The following DICER1 variants were observed in gnomAD, a reference collection of about 807,000 sequenced individuals.
DICER1 encodes endoribonuclease Dicer.
Under a neutral mutation model 194.1 loss-of-function variants are expected in DICER1, and 43 were observed. That is an observed-to-expected ratio of 0.22 (90% CI 0.17 to 0.29). The LOEUF is 0.29. Among genes scored for constraint, DICER1 ranks in the 10% least tolerant of loss-of-function variants. DICER1 has a pLI of 1.00. For missense variants in DICER1, 1,608 were observed against 2,317.0 expected, an observed-to-expected ratio of 0.69 and a Z score of 6.28; for synonymous variants, 832 against 820.5, an observed-to-expected ratio of 1.01 and a Z score of -0.24.
chr14:95,091,499 C>T (rs1889839140), intron 24 of DICER1, 134 bp from the exon 25 acceptor site: 7 of 806,100 alleles, frequency 8.7e-6, no homozygotes, highest in Non-Finnish European at 1.5e-5. Context: ...TTATGGTATG[C>T]CTACTATATT....
At position 95,090,354 on chromosome 14, in the gene DICER1, T is replaced by C. The variant is rs1338679905; in HGVS notation, c.*144A>G. ...ATATGTTAAATGTTTTATTCTGTTA[T>C]CTATCCTGTTATCAACCAAACTTTA... On this transcript the variant is annotated 3_prime_UTR_variant, in exon 27 of 27. Coordinates refer to ENST00000343455, the MANE Select transcript of DICER1 (RefSeq NM_177438.3). 8 of 881,418 alleles carry C rather than the reference T, an allele frequency of 9.1e-6. No individual in the cohort carries two copies. Among genetic ancestry groups the C allele is most frequent in the Middle Eastern group, 3.4e-4 (1 of 2,972 alleles). 54.6% of individuals were successfully genotyped at this position (881,418 alleles called of 1,614,324 possible).
intron 1 of DICER1, chr14:95,140,675 ATC>A (rs1894774532): frequency 6.6e-6 from 1 of 152,190 alleles, no homozygotes; most frequent in Non-Finnish European, 1.5e-5. Context: ...AATGTTTGAG[ATC>A]TCTGTGTTGC....
In DICER1 at chr14:95,096,556, T is replaced by C; in HGVS notation, c.4364A>G (p.Asn1455Ser). The C allele has an allele frequency of 1.9e-6, 3 of 1,613,728 alleles. No individual in the cohort carries two copies. Among genetic ancestry groups the C allele is most frequent in the African/African-American group, 1.3e-5 (1 of 74,966 alleles). ...AAAAGCTCCTGACCCCATTAACATATTATCTATAAATCTGATATGTTCCTG... is the reference window on the plus strand; with the variant it reads ...AAAAGCTCCTGACCCCATTAACATACTATCTATAAATCTGATATGTTCCTG... Reference protein sequence around the residue: ...YDQEHIRFIDNMLMGSGAFVK... With the variant: ...YDQEHIRFIDSMLMGSGAFVK... The change falls in exon 23 of 27, where the codon AAT (asparagine) becomes AGT (serine). Residue 1455 changes from asparagine (N) to serine (S), a missense_variant. By Grantham distance (46) the Asn-to-Ser change is conservative. Transcript: ENST00000343455.
chr14:95,153,710 T>C (rs561077888), intron 1 of DICER1, among the ~76,000 whole-genome samples: 5 of 152,334 alleles, frequency 3.3e-5, no homozygotes, highest in Middle Eastern at 6.8e-3. Flanking sequence ...ACCATTTTCA[T>C]AGTACTCTAA....
intron 24 of DICER1, among the ~76,000 whole-genome samples, chr14:95,091,611 CA>C (rs1432601892): frequency 6.6e-6 from 1 of 151,882 alleles, no homozygotes; most frequent in Non-Finnish European, 1.5e-5. Context: ...ATATACCCAG[CA>C]AAGAAAAAAG....
intron 8 of DICER1, among the ~76,000 whole-genome samples, chr14:95,119,735 A>G (rs1015776118): frequency 1.3e-5 from 2 of 152,344 alleles, no homozygotes; most frequent in Non-Finnish European, 2.9e-5. Flanking sequence ...TTTCCAATCC[A>G]TCAGAGGCAG....
intron 8 of DICER1, among the ~76,000 whole-genome samples, chr14:95,119,996 C>A (rs1175878317): frequency 6.6e-6 from 1 of 151,686 alleles, no homozygotes; most frequent in Non-Finnish European, 1.5e-5. Flanking sequence ...AATAACATAA[C>A]CAAAAATAGG....
In DICER1 at chr14:95,092,136, G is replaced by A. The variant is rs530697200; in HGVS notation, c.5365-771C>T. Reference sequence around the variant, plus strand: ...AGAAGCGTTTAAATCAATCAGCCACGTGTTGACTAGCGTGTGGCCCCTGAG... The same window carrying A: ...AGAAGCGTTTAAATCAATCAGCCACATGTTGACTAGCGTGTGGCCCCTGAG... On this transcript the variant is annotated intron_variant, in intron 24 of 26. Coordinates refer to ENST00000343455, the MANE Select transcript of DICER1 (RefSeq NM_177438.3). Among the ~76,000 whole-genome samples the A allele has an allele frequency of 9.2e-5, 14 of 152,234 alleles. No individual in the cohort carries two copies. In the South Asian group the frequency reaches 2.3e-3, roughly 25 times the overall value.
chr14:95,108,120 C>A (rs1891620257), intron 15 of DICER1, 27 bp from the exon 16 acceptor site: 1 of 1,540,210 alleles, frequency 6.5e-7, no homozygotes, highest in Non-Finnish European at 9.0e-7. Context: ...GTAAAGCACC[C>A]CTCAAAATTA....
intron 7 of DICER1, among the ~76,000 whole-genome samples, chr14:95,126,376 GA>G (rs1289263874): frequency 6.6e-6 from 1 of 152,186 alleles, no homozygotes. Context: ...TTAAATAGGG[GA>G]AGTCTACACT....
intron 21 of DICER1, among the ~76,000 whole-genome samples, chr14:95,102,926 ATG>A (rs1891013712): frequency 1.3e-5 from 2 of 152,278 alleles, no homozygotes; most frequent in South Asian, 2.1e-4. Flanking sequence ...TGTCTTACTC[ATG>A]TCTGTATGCC....
At position 95,096,307 on chromosome 14, in the gene DICER1, TCAA is replaced by T. The variant is rs765962801; in HGVS notation, c.4610_4612del (p.Val1537del). On this transcript the variant is annotated inframe_deletion, in exon 23 of 27. Transcript: ENST00000343455. ...GTAAGAAATGGACTGCTTTCCCGTGTCAACACCACAGTTTTCTTCTGATGGATT... is the reference window on the plus strand; with the variant it reads ...GTAAGAAATGGACTGCTTTCCCGTGTCACCACAGTTTTCTTCTGATGGATT... The T allele has an allele frequency of 6.2e-7, 1 of 1,614,220 alleles. No individual in the cohort carries two copies. Among genetic ancestry groups the T allele is most frequent in the East Asian group, 2.2e-5 (1 of 44,888 alleles).
chr14:95,109,055 G>T (rs920406537), intron 14 of DICER1, among the ~76,000 whole-genome samples: 4 of 152,022 alleles, frequency 2.6e-5, no homozygotes, highest in Non-Finnish European at 4.4e-5. Context: ...CACAACACTG[G>T]TGTATATTAG....
intron 1 of DICER1, among the ~76,000 whole-genome samples, chr14:95,144,099 A>G (rs1230501878): frequency 2.0e-5 from 3 of 152,190 alleles, no homozygotes; most frequent in Non-Finnish European, 4.4e-5. Context: ...TAACTTAATA[A>G]GCAAATTGAT....
chr14:95,115,364 C>G (rs748867081), intron 11 of DICER1, among the ~76,000 whole-genome samples: 1 of 151,754 alleles, frequency 6.6e-6, no homozygotes, highest in African/African-American at 2.4e-5. Context: ...TGGCACAAAA[C>G]AAAAAATTTC....
chr14:95,142,629 C>T (rs1330108988), intron 1 of DICER1, among the ~76,000 whole-genome samples: 4 of 152,202 alleles, frequency 2.6e-5, no homozygotes, highest in African/African-American at 9.7e-5. Flanking sequence ...GGTAATATGT[C>T]AAGTATAATA....
intron 12 of DICER1, 95 bp downstream of exon 12, chr14:95,112,997 A>G (rs868347336): frequency 7.4e-7 from 1 of 1,353,428 alleles, no homozygotes; most frequent in Middle Eastern, 1.8e-4. Context: ...TTTTAAAATC[A>G]AATTTACCTA....
Position 95,096,461 on chromosome 14 carries a change from A to AT in DICER1, c.4458dup (p.Ser1487IlefsTer5), listed in dbSNP as rs1131691197. The AT allele has an allele frequency of 6.2e-7, 1 of 1,614,186 alleles. No homozygotes were observed. The highest frequency in any genetic ancestry group is 8.5e-7 in the Non-Finnish European group (1 of 1,180,030). On this transcript the variant is annotated frameshift_variant, in exon 23 of 27. Transcript: ENST00000343455. LOFTEE classifies it high-confidence loss of function. ...GAAAATGGCATACTACCTAAGGAGG[A>AT]TTTTTTGGGCATTTTCCATTCATAT...
chr14:95,113,331 G>GT, intron 11 of DICER1, 107 bp from the exon 12 acceptor site: 1 of 1,074,758 alleles, frequency 9.3e-7, no homozygotes, highest in Non-Finnish European at 1.4e-6. Context: ...TACTGAATTT[G>GT]TATTTATATG....
Sources: gnomAD v4.1 joint callset for allele counts (sites outside exome capture counted in the v4.1 genomes callset) on GRCh38, gnomAD v4.1.1 for gene constraint, MANE v1.5 for transcripts, NCBI Gene and HGNC (gene_info 2026-07-23, HGNC 2026-07-21) for gene names.